The following DAPK1 variants were observed in gnomAD, a reference collection of about 807,000 sequenced individuals.
DAPK1 encodes the protein death-associated protein kinase 1.
Under a neutral mutation model 144.9 loss-of-function variants are expected in DAPK1, and 56 were observed. That is an observed-to-expected ratio of 0.39 (90% CI 0.31 to 0.48). The LOEUF (loss-of-function observed/expected upper bound fraction) is 0.48, where lower values mean the gene tolerates loss of function less well. Among genes scored for constraint, DAPK1 ranks in the 20% least tolerant of loss-of-function variants. DAPK1 has a pLI of 0.95. For synonymous variants in DAPK1, 690 were observed against 749.0 expected, an observed-to-expected ratio of 0.92 and a Z score of 1.29; for missense variants, 1,454 against 1,875.4, an observed-to-expected ratio of 0.78 and a Z score of 4.15.
At chr9:87,698,992 T>C (rs1825369501) in intron 23 of DAPK1, among the ~76,000 whole-genome samples, 198 bp downstream of exon 23, 1 of 152,240 alleles carries the variant, frequency 6.6e-6, no homozygotes, top group Non-Finnish European at 1.5e-5. Flanking sequence ...TGTTTCTGAT[T>C]TCTTATTTGT....
chr9:87,529,649 G>T (rs1396380083), intron 2 of DAPK1, among the ~76,000 whole-genome samples: 2 of 152,216 alleles, frequency 1.3e-5, no homozygotes, highest in Non-Finnish European at 2.9e-5. Flanking sequence ...GGCCCAGGTT[G>T]CACAGGAGGG....
rs909034151 is a variant in DAPK1 at position 87,697,014 on chromosome 9, C to A, written c.2421C>A (p.Gly807=). 2 of 1,552,278 alleles carry A rather than the reference C, an allele frequency of 1.3e-6. No individual in the cohort carries two copies. Among genetic ancestry groups the A allele is most frequent in the South Asian group, 1.1e-5 (1 of 89,820 alleles). The change falls in exon 22 of 26, where the codon GGC becomes GGA. Residue 807 remains glycine (G), a synonymous_variant. Coordinates refer to ENST00000408954, the MANE Select transcript of DAPK1 (RefSeq NM_004938.4). ...ATTTTTCTTTTTCTGTAGGAGTTGG[C>A]GATTTCAGCGTGTGGGAGTTCTCTG... ...DIQNAYLNGV[G]DFSVWEFSGN...
intron 18 of DAPK1, among the ~76,000 whole-genome samples, chr9:87,662,228 C>A (rs1199839265): frequency 1.3e-5 from 2 of 152,032 alleles, no homozygotes; most frequent in Non-Finnish European, 2.9e-5. Flanking sequence ...CTATAGCCAT[C>A]TAGTGTAATT....
intron 2 of DAPK1, among the ~76,000 whole-genome samples, chr9:87,583,965 A>G (rs75834288): frequency 0.018 from 2,797 of 152,334 alleles, 36 homozygotes; most frequent in African/African-American, 0.033. Context: ...CAGCTGAATC[A>G]TAATCTCTAT....
chr9:87,509,029 G>A (rs1233764304), intron 2 of DAPK1, among the ~76,000 whole-genome samples: 4 of 152,212 alleles, frequency 2.6e-5, no homozygotes, highest in African/African-American at 7.2e-5. Flanking sequence ...GAGGCCATCT[G>A]TGGTTTATGG....
At chr9:87,535,760 G>A (rs1237155307) in intron 2 of DAPK1, among the ~76,000 whole-genome samples, 1 of 152,076 alleles carries the variant, frequency 6.6e-6, no homozygotes, top group East Asian at 1.9e-4. Context: ...AATAAAGTAG[G>A]CAACGGTATA....
chr9:87,705,882 C>A (rs956641401), intron 25 of DAPK1, among the ~76,000 whole-genome samples: 1 of 151,598 alleles, frequency 6.6e-6, no homozygotes, highest in Non-Finnish European at 1.5e-5. Context: ...TTTCTTCTTT[C>A]ATTTCGCTGG....
chr9:87,574,344 G>A (rs1259716670), intron 2 of DAPK1, among the ~76,000 whole-genome samples: 1 of 152,142 alleles, frequency 6.6e-6, no homozygotes, highest in Non-Finnish European at 1.5e-5. Context: ...CAAATATTGG[G>A]ATAAACAACT....
chr9:87,519,141 C>G (rs554006062), intron 2 of DAPK1, among the ~76,000 whole-genome samples: 2 of 152,200 alleles, frequency 1.3e-5, no homozygotes, highest in East Asian at 3.9e-4. Flanking sequence ...GGCTGGGGCT[C>G]TGGGCCCGGC....
At chr9:87,654,906 TTAAA>T (rs1830580112) in intron 17 of DAPK1, among the ~76,000 whole-genome samples, 1 of 152,184 alleles carries the variant, frequency 6.6e-6, no homozygotes, top group Non-Finnish European at 1.5e-5. Context: ...ACTTCACTTG[TTAAA>T]TACACTCTTC....
Position 87,639,895 on chromosome 9 carries a change from T to C in DAPK1, c.629+80T>C, listed in dbSNP as rs1351193621. ...TTAATTAACCATTAAATGTGCTGTG[T>C]TGATCTCTTCAGCTTATGCATGCTT... On this transcript the variant is annotated intron_variant, in intron 7 of 25. Coordinates refer to ENST00000408954, the MANE Select transcript of DAPK1 (RefSeq NM_004938.4). The C allele has an allele frequency of 2.7e-6, 4 of 1,475,960 alleles. No homozygotes were observed. The African/African-American group carries it at 4.2e-5, about 15-fold the overall frequency. The allele number at this position is 1,475,960 out of a possible 1,614,324, so 91.4% of individuals were successfully genotyped here. A position where few individuals can be genotyped will look rare whatever the true frequency, so the allele number is the denominator to read the frequency against.
chr9:87,520,869 A>G (rs1253945472), intron 2 of DAPK1, among the ~76,000 whole-genome samples: 1 of 152,236 alleles, frequency 6.6e-6, no homozygotes, highest in Non-Finnish European at 1.5e-5. Context: ...ATATAATACA[A>G]TTTACAACTA....
chr9:87,526,191 A>G (rs951669439), intron 2 of DAPK1, among the ~76,000 whole-genome samples: 1 of 152,160 alleles, frequency 6.6e-6, no homozygotes, highest in Non-Finnish European at 1.5e-5. Flanking sequence ...GTTTGTGTTC[A>G]GTAACATTCA....
chr9:87,703,161 CT>C lies in DAPK1; in HGVS notation c.3005del (p.Leu1002ArgfsTer94). The C allele has an allele frequency of 6.2e-7, 1 of 1,612,702 alleles. No homozygotes were observed. The highest frequency in any genetic ancestry group is 8.5e-7 in the Non-Finnish European group (1 of 1,178,632). ...CGACGTGCAGGACCAGCTGAACCCC[CT>C]GGCCAGCGAGGAGGACCTCAGGCGC... ...VYDVQDQLNP[L>X]ASEEDLRRIA... On this transcript the variant is annotated frameshift_variant, in exon 25 of 26. Transcript: ENST00000408954. LOFTEE classifies it high-confidence loss of function.
intron 2 of DAPK1, among the ~76,000 whole-genome samples, chr9:87,533,836 T>C (rs1286439011): frequency 6.6e-6 from 1 of 152,170 alleles, no homozygotes; most frequent in Non-Finnish European, 1.5e-5. Flanking sequence ...CTAATTTTTG[T>C]ATTTTGAGTT....
intron 2 of DAPK1, among the ~76,000 whole-genome samples, chr9:87,579,470 G>A (rs1242315895): frequency 6.6e-6 from 1 of 152,154 alleles, no homozygotes; most frequent in Non-Finnish European, 1.5e-5. Context: ...TCCAGAAGAA[G>A]CTCTGTGCCG....
At chr9:87,643,586 T>C in intron 11 of DAPK1, 118 bp downstream of exon 11, 2 of 696,502 alleles carry the variant, frequency 2.9e-6, no homozygotes, top group South Asian at 3.7e-5. Context: ...GCAAGCTTAT[T>C]CTTGATCCCC....
Position 87,684,176 on chromosome 9 carries a change from A to G in DAPK1, c.2225-2375A>G, listed in dbSNP as rs375312177. 1.1e-4 allele frequency among the ~76,000 whole-genome samples: 16 copies of G among 152,310 alleles called. No homozygotes were observed. In the East Asian group the frequency reaches 2.7e-3, roughly 26 times the overall value. On this transcript the variant is annotated intron_variant, in intron 20 of 25. Transcript: ENST00000408954. Reference sequence around the variant, plus strand: ...CGCGAGGGCGGCCTGGGGAGATTGGACTTTGGCAGAGGGTATGTGTGTTGG... The same window carrying G: ...CGCGAGGGCGGCCTGGGGAGATTGGGCTTTGGCAGAGGGTATGTGTGTTGG...
At chr9:87,580,123 G>T (rs1489585677) in intron 2 of DAPK1, among the ~76,000 whole-genome samples, 1 of 152,140 alleles carries the variant, frequency 6.6e-6, no homozygotes, top group South Asian at 2.1e-4. Context: ...AATGGCAGTG[G>T]TTACAGCAGA....
Sources: gnomAD v4.1 joint callset for allele counts (sites outside exome capture counted in the v4.1 genomes callset) on GRCh38, gnomAD v4.1.1 for gene constraint, MANE v1.5 for transcripts, NCBI Gene and HGNC (gene_info 2026-07-23, HGNC 2026-07-21) for gene names.